Variants in ERG observed in about 807,000 individuals in gnomAD.
The protein encoded by ERG is transcriptional regulator ERG.
A neutral mutation model predicts 55.3 loss-of-function variants in ERG; 9 were observed. That is an observed-to-expected ratio of 0.16 (90% CI 0.10 to 0.28). ERG has a LOEUF of 0.28. Ranked by LOEUF, ERG falls within the 10% of genes least tolerant of loss-of-function variation. The pLI is 1.00. For missense variants in ERG, 434 were observed against 631.6 expected, an observed-to-expected ratio of 0.69 and a Z score of 3.35; for synonymous variants, 223 against 237.3, an observed-to-expected ratio of 0.94 and a Z score of 0.55.
At chr21:38,467,888 G>C (rs548487970) in intron 1 of ERG, among the ~76,000 whole-genome samples, 19 of 152,330 alleles carry the variant, frequency 1.2e-4, no homozygotes, top group African/African-American at 4.6e-4. Flanking sequence ...GTGCATGAGG[G>C]TGTCATTTAT....
chr21:38,380,837 A>T lies in ERG; in HGVS notation c.*2566T>A, dbSNP rs1987396945. The T allele has an allele frequency of 6.6e-6, 7 of 1,065,000 alleles. No homozygotes were observed. The East Asian group carries it at 3.0e-4, about 46-fold the overall frequency. The allele number at this position is 1,065,000 out of a possible 1,614,324, so 66.0% of individuals were successfully genotyped here. On this transcript the variant is annotated 3_prime_UTR_variant, in exon 10 of 10. Coordinates refer to ENST00000288319, the MANE Select transcript of ERG (RefSeq NM_182918.4). ...ATGTCTTGTTTTTATGATCTTGCTCATGAGACAGTCTTGAAGAGAGAACTG... is the reference window on the plus strand; with the variant it reads ...ATGTCTTGTTTTTATGATCTTGCTCTTGAGACAGTCTTGAAGAGAGAACTG...
chr21:38,602,505 T>G (rs771490311), intron 1 of ERG, among the ~76,000 whole-genome samples: 1 of 151,920 alleles, frequency 6.6e-6, no homozygotes, highest in Non-Finnish European at 1.5e-5. Flanking sequence ...ACACCAGATA[T>G]TCAAACATCA....
chr21:38,611,614 T>C (rs2060227926), intron 1 of ERG, among the ~76,000 whole-genome samples: 1 of 152,202 alleles, frequency 6.6e-6, no homozygotes, highest in African/African-American at 2.4e-5. Flanking sequence ...TTTCCATGAC[T>C]GTCACTCTAT....
At chr21:38,599,399 C>T (rs147814014) in intron 1 of ERG, among the ~76,000 whole-genome samples, 7 of 152,304 alleles carry the variant, frequency 4.6e-5, no homozygotes, top group South Asian at 2.1e-4. Context: ...AGAGCCCTTC[C>T]GCACCCTCCC....
At chr21:38,444,714 A>C (rs1165982880) in intron 2 of ERG, among the ~76,000 whole-genome samples, 1 of 127,516 alleles carries the variant, frequency 7.8e-6, no homozygotes, top group African/African-American at 2.9e-5. Flanking sequence ...TTTATGTGTA[A>C]GCTAAGAGGA....
At chr21:38,631,991 C>G (rs1465052906) in intron 1 of ERG, among the ~76,000 whole-genome samples, 3 of 151,988 alleles carry the variant, frequency 2.0e-5, no homozygotes, top group African/African-American at 7.2e-5. Flanking sequence ...GAAACCTTCC[C>G]TTATATTTAA....
intron 6 of ERG, among the ~76,000 whole-genome samples, chr21:38,395,780 C>T (rs956926985): frequency 1.3e-5 from 2 of 152,322 alleles, no homozygotes; most frequent in Admixed American, 6.5e-5. Context: ...GAGACTCCTC[C>T]TCCACCACAC....
downstream of ERG, among the ~76,000 whole-genome samples, chr21:38,378,636 C>G (rs1987305658): frequency 6.6e-6 from 1 of 152,198 alleles, no homozygotes; most frequent in Non-Finnish European, 1.5e-5. Flanking sequence ...CCCCTTGTCT[C>G]TCCCCACTGA....
intron 1 of ERG, among the ~76,000 whole-genome samples, chr21:38,455,114 CTTTCTTT>C (rs1309269486): frequency 5.7e-4 from 68 of 118,684 alleles, no homozygotes; most frequent in Non-Finnish European, 7.5e-4. Context: ...TTCTTTCTTT[CTTTCTTT>C]TTTTTTTTTT....
At chr21:38,390,964 T>C in intron 9 of ERG, 31 bp downstream of exon 9, 1 of 1,593,102 alleles carries the variant, frequency 6.3e-7, no homozygotes, top group Non-Finnish European at 8.6e-7. Context: ...AAAGTAATTT[T>C]GTAAGAAGAA....
intron 1 of ERG, among the ~76,000 whole-genome samples, chr21:38,461,678 T>C (rs1014029517): frequency 1.1e-4 from 17 of 152,190 alleles, no homozygotes; most frequent in African/African-American, 4.1e-4. Context: ...TGCCTCCAAT[T>C]AGCCCAGACA....
intron 1 of ERG, among the ~76,000 whole-genome samples, chr21:38,657,368 A>T (rs1462202391): frequency 3.3e-5 from 5 of 152,202 alleles, no homozygotes; most frequent in Admixed American, 1.3e-4. Flanking sequence ...AGGAGAACTT[A>T]AAAGTTAGTT....
chr21:38,615,474 G>A (rs1004837894), intron 1 of ERG, among the ~76,000 whole-genome samples: 1 of 151,892 alleles, frequency 6.6e-6, no homozygotes. Context: ...TCAAGTAAAG[G>A]AGGCAGTAAA....
chr21:38,629,894 A>C (rs1004023527), intron 1 of ERG, among the ~76,000 whole-genome samples: 1 of 152,220 alleles, frequency 6.6e-6, no homozygotes, highest in Non-Finnish European at 1.5e-5. Flanking sequence ...AATGTAGTCT[A>C]TACATACACG....
Position 38,512,858 on chromosome 21 carries a change from C to T in ERG, c.-41+62804G>A, listed in dbSNP as rs559366988. The stretch of plus-strand genomic sequence containing the variant: ...TATTAATTAAAACCTACGGGCCAGG[C>T]GCAGTGGCTCACGCCTGTAATCCCA... On this transcript the variant is annotated intron_variant, in intron 2 of 8. Coordinates refer to the ERG transcript ENST00000398897. Among the ~76,000 whole-genome samples, 283 of 152,192 alleles carry T rather than the reference C, an allele frequency of 1.9e-3. 1 individual carries two copies. The highest frequency in any genetic ancestry group is 3.4e-3 in the Middle Eastern group (1 of 294).
chr21:38,547,740 C>T (rs972691992), intron 2 of ERG, among the ~76,000 whole-genome samples: 3 of 152,110 alleles, frequency 2.0e-5, no homozygotes, highest in Admixed American at 6.6e-5. Flanking sequence ...AAATGATGCC[C>T]TTAGCCCAGT....
At chr21:38,589,931 C>G (rs921989640) in intron 1 of ERG, among the ~76,000 whole-genome samples, 9 of 152,268 alleles carry the variant, frequency 5.9e-5, no homozygotes, top group Admixed American at 2.6e-4. Flanking sequence ...CTCTAGTAGC[C>G]ATGTTCAAAA....
rs1292345777 is a variant in ERG at position 38,578,011 on chromosome 21, T to G, written c.-126-2264A>C. Among the ~76,000 whole-genome samples the G allele has an allele frequency of 2.0e-5, 3 of 152,114 alleles. No individual in the cohort carries two copies. In the East Asian group the frequency reaches 5.8e-4, roughly 29 times the overall value. ...GAAGTGGGAGCTTCCCCTTCCTGCCTCCTGAAACCAAGTCCCCATACCCTC... is the reference window on the plus strand; with the variant it reads ...GAAGTGGGAGCTTCCCCTTCCTGCCGCCTGAAACCAAGTCCCCATACCCTC... On this transcript the variant is annotated intron_variant, in intron 1 of 8. Transcript: ENST00000398897.
intron 2 of ERG, among the ~76,000 whole-genome samples, chr21:38,426,386 A>C (rs1989824380): frequency 6.6e-6 from 1 of 152,196 alleles, no homozygotes; most frequent in Admixed American, 6.5e-5. Flanking sequence ...ATTTGTCTCA[A>C]GGAGAGAAGT....
Sources: allele counts gnomAD v4.1 joint callset (sites outside exome capture counted in the v4.1 genomes callset), GRCh38; gene constraint gnomAD v4.1.1; transcripts MANE v1.5; gene names NCBI Gene and HGNC (gene_info 2026-07-23, HGNC 2026-07-21).